USP35: variants seen among roughly 807,000 people sequenced by gnomAD.
The protein encoded by USP35 is ubiquitin specific peptidase 35.
A neutral mutation model predicts 83.8 loss-of-function variants in USP35; 69 were observed. That is an observed-to-expected ratio of 0.82 (90% CI 0.68 to 1.01). USP35 has a LOEUF of 1.01. USP35 is among the 50% of genes least tolerant of loss of function. The pLI is 0.00. For missense variants in USP35, 1,503 were observed against 1,362.5 expected (o/e 1.10, Z -1.62); for synonymous variants, 714 against 589.5 (o/e 1.21, Z -3.06).
chr11:78,199,653 C>T lies in USP35; in HGVS notation c.865C>T (p.Leu289=). The T allele has an allele frequency of 1.2e-6, 2 of 1,614,152 alleles. No individual in the cohort carries two copies. Among genetic ancestry groups the T allele is most frequent in the Non-Finnish European group, 1.7e-6 (2 of 1,180,010 alleles). ...GAATATTGACAAGTGGATCATTGCACTGCTGAAGGGCCTGGCTGCTGTTAA... is the reference window on the plus strand; with the variant it reads ...GAATATTGACAAGTGGATCATTGCATTGCTGAAGGGCCTGGCTGCTGTTAA... ...GKNIDKWIIA[L]LKGLAAVKKF... The change falls in exon 4 of 11, where the codon CTG becomes TTG. Residue 289 remains leucine, a synonymous_variant. Coordinates refer to ENST00000529308, the MANE Select transcript of USP35 (RefSeq NM_020798.4).
In USP35 at chr11:78,195,171, A is replaced by G. The variant is rs924222662; in HGVS notation, c.-10-1065A>G. Among the ~76,000 whole-genome samples the G allele has an allele frequency of 2.0e-5, 3 of 152,206 alleles. No homozygotes were observed. In the East Asian group the frequency reaches 5.8e-4, roughly 29 times the overall value. ...AGGGGACTGGGACCCATACCCCACC[A>G]GCACTAACTGATTCCAGCTGTAATG... is the stretch of plus-strand genomic sequence containing the variant. On this transcript the variant is annotated intron_variant, in intron 1 of 10. Transcript: ENST00000529308.
In USP35 at chr11:78,200,694, G is replaced by A. The variant is rs1416714724; in HGVS notation, c.1083G>A (p.Glu361=). ...IPPMVASLVK[E]DSNSGTSCLE... is the part of the protein sequence containing the mutation. ...CCATGGTGGCCTCTCTGGTCAAGGA[G>A]GACTCGAACTCGGGGACCAGCTGCC... The change falls in exon 6 of 11, where the codon GAG becomes GAA. Residue 361 remains glutamate, a synonymous_variant. Transcript: ENST00000529308. 1 of 1,614,094 alleles carries A rather than the reference G, an allele frequency of 6.2e-7. No individual in the cohort carries two copies. The highest frequency in any genetic ancestry group is 8.5e-7 in the Non-Finnish European group (1 of 1,179,994).
rs888165015 is a variant in USP35, at chr11:78,196,289, T to G, written c.44T>G (p.Val15Gly). 8 of 1,595,222 alleles carry G rather than the reference T, an allele frequency of 5.0e-6. No individual in the cohort carries two copies. In the African/African-American group the frequency reaches 1.1e-4, roughly 21 times the overall value. Residue 15 changes from valine (V) to glycine (G), a missense_variant, in exon 2 of 11, where the codon GTC (valine) becomes GGC (glycine). Physicochemically the swap from Val to Gly is moderately radical, Grantham distance 109 (BLOSUM62 -3). Transcript: ENST00000529308. This position sits in a 1 kb window ranked among gnomAD's most constrained non-coding sequence, Gnocchi z 4.8. ...GCGGTGGTGACGTCGTCATACCCGGTCAGCGTGAAGCAGGGGCTGGTTCGG... is the reference window on the plus strand; with the variant it reads ...GCGGTGGTGACGTCGTCATACCCGGGCAGCGTGAAGCAGGGGCTGGTTCGG... ...LEAVVTSSYP[V>G]SVKQGLVRRV...
At chr11:78,230,841 T>C in the USP35 span, among the ~76,000 whole-genome samples, 1 of 152,232 alleles carries the variant, frequency 6.6e-6, no homozygotes, top group East Asian at 1.9e-4. Flanking sequence ...ATAATCTAGA[T>C]GGGGAATTCC....
At position 78,209,729 on chromosome 11, in the gene USP35, A is replaced by G; in HGVS notation, c.1874A>G (p.Glu625Gly). ...MRPTEDITAR[E>G]LPPPTSAQGP... ...CCCACAGAAGACATCACAGCCCGGGAGTTGCCCCCACCAACCAGTGCACAG... is the reference window on the plus strand; with the variant it reads ...CCCACAGAAGACATCACAGCCCGGGGGTTGCCCCCACCAACCAGTGCACAG... The change falls in exon 10 of 11, where the codon GAG becomes GGG. Residue 625 changes from glutamate (E) to glycine (G), a missense_variant. By Grantham distance (98) the Glu-to-Gly change is moderately conservative. Coordinates refer to ENST00000529308, the MANE Select transcript of USP35 (RefSeq NM_020798.4). 6.2e-7 allele frequency: 1 copy of G among 1,613,928 alleles called. No individual in the cohort carries two copies. Among genetic ancestry groups the G allele is most frequent in the Non-Finnish European group, 8.5e-7 (1 of 1,179,972 alleles).
At chr11:78,221,748 A>C in the USP35 span, 9 of 1,613,554 alleles carry the variant, frequency 5.6e-6, no homozygotes, top group Non-Finnish European at 5.9e-6. Context: ...ATGGGGCGGC[A>C]GTACTGGGAG....
chr11:78,220,466 T>G, the USP35 span: 3 of 1,546,392 alleles, frequency 1.9e-6, no homozygotes, highest in Non-Finnish European at 2.6e-6. Context: ...AGGAAAAAAC[T>G]GTGAGTGACT....
At chr11:78,220,296 C>A in the USP35 span, 1 of 1,611,268 alleles carries the variant, frequency 6.2e-7, no homozygotes, top group Non-Finnish European at 8.5e-7. Context: ...CTCTTACTGC[C>A]CCCCCAACTC....
At chr11:78,197,644 A>C (rs540025447) in intron 2 of USP35, among the ~76,000 whole-genome samples, 1 of 152,144 alleles carries the variant, frequency 6.6e-6, no homozygotes, top group African/African-American at 2.4e-5. Context: ...CAGCCCTCCC[A>C]CCTTCTCTAG....
chr11:78,210,249 C>T lies in USP35; in HGVS notation c.2394C>T (p.Ser798=). 1 of 1,614,132 alleles carries T rather than the reference C, an allele frequency of 6.2e-7. No individual in the cohort carries two copies. The highest frequency in any genetic ancestry group is 8.5e-7 in the Non-Finnish European group (1 of 1,180,030). Residue 798 remains serine, a synonymous_variant, in exon 10 of 11, where the codon AGC becomes AGT. Transcript: ENST00000529308. ...LQDAEKVVEL[S]QGPCYLILTL... ...ATGCCGAGAAGGTGGTGGAGCTGAGCCAAGGGCCGTGCTACCTCATCCTCA... is the reference window on the plus strand; with the variant it reads ...ATGCCGAGAAGGTGGTGGAGCTGAGTCAAGGGCCGTGCTACCTCATCCTCA...
chr11:78,235,344 G>T, the USP35 span, among the ~76,000 whole-genome samples: 549 of 151,982 alleles, frequency 3.6e-3, 3 homozygotes, highest in African/African-American at 0.013. Flanking sequence ...AGTAGAGATG[G>T]GGTTTCACCG....
chr11:78,202,888 G>A (rs1457944826), intron 6 of USP35, among the ~76,000 whole-genome samples: 1 of 152,216 alleles, frequency 6.6e-6, no homozygotes, highest in Non-Finnish European at 1.5e-5. Flanking sequence ...GTGAGCTTCT[G>A]TGGGCAGGAA....
intron 6 of USP35, among the ~76,000 whole-genome samples, chr11:78,201,080 TAA>T (rs1344572236): frequency 6.6e-6 from 1 of 152,180 alleles, no homozygotes; most frequent in Non-Finnish European, 1.5e-5. Context: ...GTATGGAAAT[TAA>T]AACACGTTCT....
Position 78,209,736 on chromosome 11 carries a change from C to G in USP35, c.1881C>G (p.Pro627=), listed in dbSNP as rs764646401. The stretch of plus-strand genomic sequence containing the variant: ...AAGACATCACAGCCCGGGAGTTGCC[C>G]CCACCAACCAGTGCACAGGGGCCAG... ...PTEDITAREL[P]PPTSAQGPGR... Residue 627 remains proline, a synonymous_variant, in exon 10 of 11, where the codon CCC becomes CCG. Coordinates refer to ENST00000529308, the MANE Select transcript of USP35 (RefSeq NM_020798.4). The G allele has an allele frequency of 6.2e-7, 1 of 1,614,020 alleles. No homozygotes were observed. Among genetic ancestry groups the G allele is most frequent in the African/African-American group, 1.3e-5 (1 of 74,988 alleles).
chr11:78,198,922 G>A (rs190023121), intron 3 of USP35: 7 of 155,012 alleles, frequency 4.5e-5, no homozygotes, highest in South Asian at 2.0e-4. Context: ...GGGAGACGCC[G>A]TTATCATTGT....
chr11:78,229,109 T>C, the USP35 span, among the ~76,000 whole-genome samples: 1 of 152,226 alleles, frequency 6.6e-6, no homozygotes, highest in Non-Finnish European at 1.5e-5. Flanking sequence ...GGGGTGAGTA[T>C]GTAGCTGCTG....
At position 78,210,428 on chromosome 11, in the gene USP35, C is replaced by A; in HGVS notation, c.2573C>A (p.Ser858Ter). 1 of 1,614,110 alleles carries A rather than the reference C, an allele frequency of 6.2e-7. No individual in the cohort carries two copies. The change falls in exon 10 of 11, where the codon TCG becomes TAG. Residue 858 changes from serine (S) to a stop codon, truncating the protein, a stop_gained. Transcript: ENST00000529308. LOFTEE classifies it high-confidence loss of function. ...CSVVVHSGVSSESGHYYCYAR... is the reference protein window; with the variant it reads ...CSVVVHSGVS ...GTGGTGGTGCACTCTGGAGTGTCTT[C>A]GGAGAGTGGTCACTACTACTGCTAT...
Position 78,215,190 on chromosome 11 carries a change from A to AAAAT in USP35, c.*1379_*1382dup, listed in dbSNP as rs1353767632. The AAAAT allele has an allele frequency of 2.6e-5, 4 of 152,680 alleles. No homozygotes were observed. Among genetic ancestry groups the AAAAT allele is most frequent in the African/African-American group, 9.6e-5 (4 of 41,548 alleles). 9.5% of individuals were successfully genotyped at this position (152,680 alleles called of 1,614,324 possible). ...CATTTGTTCTTATTCACAGCCAAGAAAAATACCCAATTATTTCCAAATAAA... is the reference window on the plus strand; with the variant it reads ...CATTTGTTCTTATTCACAGCCAAGAAAAATAAATACCCAATTATTTCCAAATAAA... On this transcript the variant is annotated 3_prime_UTR_variant, in exon 11 of 11. Transcript: ENST00000529308.
chr11:78,210,769 A>C, intron 10 of USP35, 25 bp downstream of exon 10: 1 of 1,507,042 alleles, frequency 6.6e-7, no homozygotes, highest in Non-Finnish European at 8.8e-7. Flanking sequence ...GGGGCCTTTG[A>C]TCTGATCTCT....
Sources: allele counts gnomAD v4.1 joint callset (sites outside exome capture counted in the v4.1 genomes callset), GRCh38; gene constraint gnomAD v4.1.1; non-coding constraint Gnocchi (gnomAD v3.1); transcripts MANE v1.5; gene names NCBI Gene and HGNC (gene_info 2026-07-23, HGNC 2026-07-21).